The following DDX6 variants were observed in gnomAD, a reference collection of about 807,000 sequenced individuals.
The protein encoded by DDX6 is probable ATP-dependent RNA helicase DDX6.
DDX6 carries 7 observed loss-of-function variants against 60.6 expected under a neutral mutation model. The observed-to-expected ratio is 0.12, with a 90% CI of 0.07 to 0.22. The LOEUF (loss-of-function observed/expected upper bound fraction) is 0.22, where lower values mean the gene tolerates loss of function less well. DDX6 is among the 10% of genes least tolerant of loss of function. DDX6 has a pLI of 1.00. For missense variants in DDX6, 270 were observed against 589.9 expected (o/e 0.46, Z 5.62); for synonymous variants, 207 against 201.0 (o/e 1.03, Z -0.25).
chr11:118,769,067 C>T (rs931765650), intron 4 of DDX6, among the ~76,000 whole-genome samples: 6 of 136,660 alleles, frequency 4.4e-5, no homozygotes, highest in Admixed American at 2.3e-4. Flanking sequence ...CAAAGCAAAA[C>T]GATCACTTGA....
rs1171292880 is a variant in DDX6, at chr11:118,748,408, A to G, written c.*3697T>C. 6 of 152,220 alleles carry G rather than the reference A, an allele frequency of 3.9e-5. 1 individual carries two copies. Among genetic ancestry groups the G allele is most frequent in the South Asian group, 2.1e-4 (1 of 4,836 alleles). 9.4% of individuals were successfully genotyped at this position (152,220 alleles called of 1,614,324 possible). ...AAACTATCTTTAGATTTAGAGATAC[A>G]AAGTACAACTACAATCTCACAGAAG... On this transcript the variant is annotated 3_prime_UTR_variant, in exon 14 of 14. Transcript: ENST00000534980.
At chr11:118,789,541 T>C (rs559891535) in intron 1 of DDX6, 3 of 152,208 alleles carry the variant, frequency 2.0e-5, no homozygotes, top group East Asian at 1.9e-4. Context: ...AATGAACAAG[T>C]TGCTCACAAG....
rs560278277 is a variant in DDX6, at chr11:118,750,517, G to C, written c.*1588C>G. ...CCTGCAAAAGTTTATGTATCAAAGC[G>C]GGCAGAGGGCAACACATTTACACAC... On this transcript the variant is annotated 3_prime_UTR_variant, in exon 14 of 14. Coordinates refer to ENST00000534980, the MANE Select transcript of DDX6 (RefSeq NM_004397.6). 6.6e-6 allele frequency: 1 copy of C among 152,098 alleles called. No individual in the cohort carries two copies. The highest frequency in any genetic ancestry group is 1.5e-5 in the Non-Finnish European group (1 of 68,026). The allele number at this position is 152,098 out of a possible 1,614,324, so 9.4% of individuals were successfully genotyped here. A position where few individuals can be genotyped will look rare whatever the true frequency, so the allele number is the denominator to read the frequency against.
chr11:118,762,304 AAC>A lies in DDX6; in HGVS notation c.741+906_741+907del, dbSNP rs1555160408. On this transcript the variant is annotated intron_variant, in intron 7 of 13. Transcript: ENST00000534980. ...AAAAAAAATAATAATAATAATAATA[AAC>A]CTCAACCCAAATGTGAAAATAACCT... 1.7e-3 allele frequency among the ~76,000 whole-genome samples: 243 copies of A among 145,498 alleles called. 43 individuals are homozygous for A. Among genetic ancestry groups the A allele is most frequent in the Middle Eastern group, 3.5e-3 (1 of 284 alleles).
chr11:118,786,314 AAT>A lies in DDX6; in HGVS notation c.-65_-64del. 7.2e-7 allele frequency: 1 copy of A among 1,389,144 alleles called. No individual in the cohort carries two copies. Among genetic ancestry groups the A allele is most frequent in the East Asian group, 2.3e-5 (1 of 43,344 alleles). 86.1% of individuals were successfully genotyped at this position (1,389,144 alleles called of 1,614,324 possible). A position where few individuals can be genotyped will look rare whatever the true frequency, so the allele number is the denominator to read the frequency against. On this transcript the variant is annotated 5_prime_UTR_variant, in exon 2 of 14. Transcript: ENST00000534980. ...TTTTGAAAGTCAGTAGAGAAACTGT[AAT>A]AACAGTTTATTAGGCTCTCCAAAAT...
rs550051651 is a variant in DDX6, at chr11:118,754,540, G to C, written c.*7+165C>G. 2.1e-5 allele frequency: 12 copies of C among 566,468 alleles called. No homozygotes were observed. In the East Asian group the frequency reaches 3.8e-4, roughly 18 times the overall value. The allele number at this position is 566,468 out of a possible 1,614,324, so 35.1% of individuals were successfully genotyped here. A position where few individuals can be genotyped will look rare whatever the true frequency, so the allele number is the denominator to read the frequency against. ...ACAACATTTACAGATTCTCGAATGA[G>C]ACTACAACCTCCCACAAGAGATATT... On this transcript the variant is annotated intron_variant, in intron 13 of 13. Transcript: ENST00000534980.
At chr11:118,756,704 A>G (rs1555159029) in intron 10 of DDX6, among the ~76,000 whole-genome samples, 1 of 152,220 alleles carries the variant, frequency 6.6e-6, no homozygotes, top group Non-Finnish European at 1.5e-5. Context: ...AACTTCTATA[A>G]TAAAGGAAAT....
intron 5 of DDX6, 191 bp downstream of exon 5, chr11:118,768,032 A>C: frequency 1.8e-6 from 1 of 559,836 alleles, no homozygotes; most frequent in South Asian, 2.5e-5. Context: ...TAAAACTAGA[A>C]ATCTCTAAAA....
At chr11:118,760,079 T>C (rs1555159837) in intron 7 of DDX6, 35 bp from the exon 8 acceptor site, 1 of 1,597,136 alleles carries the variant, frequency 6.3e-7, no homozygotes, top group Middle Eastern at 1.7e-4. Flanking sequence ...TTAAAAACAA[T>C]AAAATAATGT....
intron 10 of DDX6, among the ~76,000 whole-genome samples, chr11:118,756,550 TAC>T (rs782622747): frequency 1.1e-4 from 17 of 152,376 alleles, no homozygotes; most frequent in East Asian, 7.7e-4. Flanking sequence ...TCATTTTTGT[TAC>T]AGTTTTAAAT....
chr11:118,790,963 C>T (rs982248730), intron 1 of DDX6, 135 bp downstream of exon 1: 1 of 152,758 alleles, frequency 6.5e-6, no homozygotes, highest in African/African-American at 2.4e-5. Flanking sequence ...GACGCTCCTT[C>T]CTCCTCGGAA....
At chr11:118,780,937 G>A (rs1861877250) in intron 3 of DDX6, among the ~76,000 whole-genome samples, 184 bp downstream of exon 3, 1 of 152,162 alleles carries the variant, frequency 6.6e-6, no homozygotes, top group Non-Finnish European at 1.5e-5. Context: ...TAACTGCTGA[G>A]CATTTGTTTT....
At chr11:118,765,017 A>G (rs1555161023) in intron 6 of DDX6, among the ~76,000 whole-genome samples, 192 bp downstream of exon 6, 1 of 152,138 alleles carries the variant, frequency 6.6e-6, no homozygotes, top group Non-Finnish European at 1.5e-5. Context: ...CTGTTTTACA[A>G]TTACTAATAA....
Position 118,779,793 on chromosome 11 carries a change from G to A in DDX6, c.265-57C>T, listed in dbSNP as rs1861827015. On this transcript the variant is annotated intron_variant, in intron 3 of 13. Coordinates refer to ENST00000534980, the MANE Select transcript of DDX6 (RefSeq NM_004397.6). ...AAATAACACTGTTGGTAAATTTGGT[G>A]TCCTTTGGTAAATTTATCTGTGTTT... 3 of 1,315,288 alleles carry A rather than the reference G, an allele frequency of 2.3e-6. No homozygotes were observed. In the South Asian group the frequency reaches 3.9e-5, roughly 17 times the overall value. The allele number at this position is 1,315,288 out of a possible 1,614,324, so 81.5% of individuals were successfully genotyped here. A position where few individuals can be genotyped will look rare whatever the true frequency, so the allele number is the denominator to read the frequency against.
At chr11:118,785,964 T>C (rs1862059888) in intron 2 of DDX6, 88 bp downstream of exon 2, 2 of 1,262,694 alleles carry the variant, frequency 1.6e-6, no homozygotes, top group Admixed American at 4.9e-5. Flanking sequence ...ATGGTTAAAT[T>C]AAGGCATAAG....
chr11:118,783,224 G>A (rs759540219), intron 2 of DDX6, among the ~76,000 whole-genome samples: 4 of 152,136 alleles, frequency 2.6e-5, no homozygotes, highest in Admixed American at 1.3e-4. Flanking sequence ...ACCATTAATC[G>A]TAGGAAAACC....
chr11:118,754,528 A>T, intron 13 of DDX6, 177 bp downstream of exon 13: 1 of 504,604 alleles, frequency 2.0e-6, no homozygotes, highest in East Asian at 3.4e-5. Context: ...ACATTTACAG[A>T]TTCTCGAATG....
intron 11 of DDX6, 133 bp from the exon 12 acceptor site, chr11:118,755,636 G>GC (rs1860940283): frequency 1.7e-6 from 1 of 585,266 alleles, no homozygotes; most frequent in Non-Finnish European, 3.0e-6. Flanking sequence ...CACATTACTG[G>GC]CATTACCTTT....
Position 118,749,284 on chromosome 11 carries a change from T to C in DDX6, c.*2821A>G, listed in dbSNP as rs769300388. On this transcript the variant is annotated 3_prime_UTR_variant, in exon 14 of 14. Transcript: ENST00000534980. Reference sequence around the variant, plus strand: ...TATTATCATTACTTAAAAAAATACATATTTAATATTGGAAAGAATGTGAAA... The same window carrying C: ...TATTATCATTACTTAAAAAAATACACATTTAATATTGGAAAGAATGTGAAA... The C allele has an allele frequency of 4.2e-5, 6 of 142,528 alleles. No homozygotes were observed. The highest frequency in any genetic ancestry group is 9.0e-5 in the Non-Finnish European group (6 of 66,662). The allele number at this position is 142,528 out of a possible 1,614,324, so 8.8% of individuals were successfully genotyped here. A position where few individuals can be genotyped will look rare whatever the true frequency, so the allele number is the denominator to read the frequency against.
Sources: allele counts gnomAD v4.1 joint callset (sites outside exome capture counted in the v4.1 genomes callset), GRCh38; gene constraint gnomAD v4.1.1; transcripts MANE v1.5; gene names NCBI Gene and HGNC (gene_info 2026-07-23, HGNC 2026-07-21).